MYPN: variants seen among roughly 807,000 people sequenced by gnomAD.
MYPN encodes the protein sarcomeric protein myopalladin, 145 kDa (MYOP).
A neutral mutation model predicts 129.4 loss-of-function variants in MYPN; 63 were observed. The observed-to-expected ratio is 0.49, with a 90% CI of 0.40 to 0.60. MYPN has a LOEUF of 0.60. Among genes scored for constraint, MYPN ranks in the 20% least tolerant of loss-of-function variants. The pLI is 0.00. For synonymous variants in MYPN, 629 were observed against 600.9 expected, an observed-to-expected ratio of 1.05 and a Z score of -0.68; for missense variants, 1,596 against 1,635.4, an observed-to-expected ratio of 0.98 and a Z score of 0.42.
intron 1 of MYPN, among the ~76,000 whole-genome samples, chr10:68,117,865 C>T (rs990686664): frequency 6.6e-6 from 1 of 151,604 alleles, no homozygotes; most frequent in African/African-American, 2.4e-5. Context: ...ATTTAATCAT[C>T]ACTTCTACCT....
chr10:68,175,382 A>T lies in MYPN; in HGVS notation c.2624A>T (p.Asn875Ile). The change falls in exon 12 of 20, where the codon AAC becomes ATC. Residue 875 changes from asparagine to isoleucine, a missense_variant. By Grantham distance (149) the Asn-to-Ile change is moderately radical. Transcript: ENST00000358913. The part of the protein sequence containing the change: ...TKSPQPVNDD[N>I]IRETKNAVIR... ...TCTCCTCAACCAGTGAATGATGATA[A>T]CATTCGTGAAACTAAGAACGCAGTG... is the stretch of plus-strand genomic sequence containing the variant. 1 of 1,613,920 alleles carries T rather than the reference A, an allele frequency of 6.2e-7. No homozygotes were observed. The highest frequency in any genetic ancestry group is 8.5e-7 in the Non-Finnish European group (1 of 1,179,768).
intron 3 of MYPN, 48 bp downstream of exon 3, chr10:68,143,163 A>G (rs2042604283): frequency 6.4e-7 from 1 of 1,553,940 alleles, no homozygotes; most frequent in Non-Finnish European, 8.8e-7. Context: ...TAAGACATTT[A>G]GTTATAATAA....
chr10:68,175,015 T>C (rs1329220506), intron 11 of MYPN, among the ~76,000 whole-genome samples: 1 of 152,078 alleles, frequency 6.6e-6, no homozygotes, highest in African/African-American at 2.4e-5. Flanking sequence ...TGCATGCCTG[T>C]AATCCCAGCT....
intron 15 of MYPN, among the ~76,000 whole-genome samples, chr10:68,195,934 C>A (rs2043597747): frequency 6.6e-6 from 1 of 151,990 alleles, no homozygotes; most frequent in South Asian, 2.1e-4. Context: ...TCCCAAGTAG[C>A]TGAGACTACA....
At chr10:68,194,862 T>G (rs527530138) in intron 14 of MYPN, among the ~76,000 whole-genome samples, 2 of 152,364 alleles carry the variant, frequency 1.3e-5, no homozygotes, top group Admixed American at 1.3e-4. Context: ...TCTGTCATTT[T>G]TGTTCTTTAG....
Position 68,121,518 on chromosome 10 carries a change from G to T in MYPN, c.80G>T (p.Arg27Leu). 3 of 1,614,126 alleles carry T rather than the reference G, an allele frequency of 1.9e-6. No homozygotes were observed. Among genetic ancestry groups the T allele is most frequent in the Non-Finnish European group, 2.5e-6 (3 of 1,180,018 alleles). Residue 27 changes from arginine to leucine, a missense_variant, in exon 2 of 20, where the codon CGG becomes CTG. By Grantham distance (102) the Arg-to-Leu change is moderately radical. Transcript: ENST00000358913. ...RESYLAETRH[R>L]GNNERSRAEP... ...AGCTATTTAGCTGAAACCAGACATCGGGGAAACAATGAGAGGAGTCGAGCG... is the reference window on the plus strand; with the variant it reads ...AGCTATTTAGCTGAAACCAGACATCTGGGAAACAATGAGAGGAGTCGAGCG...
At chr10:68,209,910 C>T (rs1933779458) in intron 19 of MYPN, among the ~76,000 whole-genome samples, 1 of 152,038 alleles carries the variant, frequency 6.6e-6, no homozygotes, top group Non-Finnish European at 1.5e-5. Flanking sequence ...CCAGCCTGGT[C>T]TTGAACTCCT....
intron 2 of MYPN, among the ~76,000 whole-genome samples, chr10:68,128,350 CTGT>C (rs1408072981): frequency 6.6e-6 from 1 of 152,142 alleles, no homozygotes; most frequent in East Asian, 1.9e-4. Flanking sequence ...CCTGCTATGG[CTGT>C]TAAGTTTTGT....
At chr10:68,118,769 G>C (rs1314297940) in intron 1 of MYPN, among the ~76,000 whole-genome samples, 2 of 151,960 alleles carry the variant, frequency 1.3e-5, no homozygotes, top group African/African-American at 4.8e-5. Context: ...AGGAGTTTAA[G>C]GCTACAGTGA....
intron 16 of MYPN, 46 bp downstream of exon 16, chr10:68,197,524 G>A (rs1486375292): frequency 1.9e-6 from 3 of 1,604,164 alleles, no homozygotes; most frequent in African/African-American, 2.7e-5. Flanking sequence ...TTCATATTTT[G>A]TATTTGTTTG....
At chr10:68,192,927 T>C (rs1402297462) in intron 13 of MYPN, among the ~76,000 whole-genome samples, 1 of 152,126 alleles carries the variant, frequency 6.6e-6, no homozygotes, top group Non-Finnish European at 1.5e-5. Flanking sequence ...TTAGTCTAGC[T>C]AAATGTTTGT....
At chr10:68,183,143 C>T (rs1273337409) in intron 12 of MYPN, among the ~76,000 whole-genome samples, 1 of 152,068 alleles carries the variant, frequency 6.6e-6, no homozygotes, top group Non-Finnish European at 1.5e-5. Context: ...TAAGTATAAT[C>T]ATAACTTACC....
At chr10:68,193,785 AG>A (rs1564693695) in intron 13 of MYPN, among the ~76,000 whole-genome samples, 1 of 141,482 alleles carries the variant, frequency 7.1e-6, no homozygotes. Context: ...ATATATAGAT[AG>A]ATGTGTATGT....
chr10:68,121,132 G>C (rs1315674659), intron 1 of MYPN, among the ~76,000 whole-genome samples: 9 of 152,102 alleles, frequency 5.9e-5, no homozygotes, highest in Non-Finnish European at 2.9e-5. Context: ...ACAAAAATCA[G>C]CTGGGTGTGG....
intron 13 of MYPN, among the ~76,000 whole-genome samples, chr10:68,192,127 T>C (rs1445835522): frequency 1.3e-5 from 2 of 152,192 alleles, no homozygotes; most frequent in African/African-American, 4.8e-5. Context: ...AGTACGATAT[T>C]AGCTGTGGGT....
chr10:68,157,892 A>C (rs937905481), intron 6 of MYPN, among the ~76,000 whole-genome samples: 3 of 151,544 alleles, frequency 2.0e-5, no homozygotes, highest in Admixed American at 6.6e-5. Flanking sequence ...TAAAAAAAAA[A>C]CCCAAACCAA....
intron 13 of MYPN, among the ~76,000 whole-genome samples, chr10:68,190,720 T>A (rs12774635): frequency 0.42 from 63,353 of 152,040 alleles, 13,893 homozygotes; most frequent in Non-Finnish European, 0.49. Flanking sequence ...TTGCCTTTGT[T>A]GCCTGTGCTT....
Position 68,137,992 on chromosome 10 carries a change from A to G in MYPN, c.903-4948A>G, listed in dbSNP as rs550193719. Among the ~76,000 whole-genome samples, 4 of 152,262 alleles carry G rather than the reference A, an allele frequency of 2.6e-5. No homozygotes were observed. The South Asian group carries it at 6.2e-4, about 24-fold the overall frequency. On this transcript the variant is annotated intron_variant, in intron 2 of 19. Transcript: ENST00000358913. The stretch of plus-strand genomic sequence containing the variant: ...TTATGCTATTAATATTTCTCATTTT[A>G]CCACCCAAATATTAAGAACACATGG...
At chr10:68,130,019 T>C (rs950124619) in intron 2 of MYPN, among the ~76,000 whole-genome samples, 8 of 152,240 alleles carry the variant, frequency 5.3e-5, no homozygotes, top group Admixed American at 5.2e-4. Flanking sequence ...GTTTTAATTT[T>C]CATTTCCGCA....
Sources: gnomAD v4.1 joint callset for allele counts (sites outside exome capture counted in the v4.1 genomes callset) on GRCh38, gnomAD v4.1.1 for gene constraint, MANE v1.5 for transcripts, NCBI Gene and HGNC (gene_info 2026-07-23, HGNC 2026-07-21) for gene names.